STAP1: variants seen among roughly 807,000 people sequenced by gnomAD.
The protein encoded by STAP1 is signal-transducing adaptor protein 1.
Under a neutral mutation model 37.8 loss-of-function variants are expected in STAP1, and 30 were observed. The observed-to-expected ratio is 0.79, with a 90% CI of 0.59 to 1.08. STAP1 has a LOEUF of 1.08. Among genes scored for constraint, STAP1 ranks in the 50% least tolerant of loss-of-function variants. STAP1 has a pLI of 0.00. For missense variants in STAP1, 357 were observed against 349.4 expected, an observed-to-expected ratio of 1.02 and a Z score of -0.17; for synonymous variants, 130 against 116.0, an observed-to-expected ratio of 1.12 and a Z score of -0.78.
chr4:67,572,348 T>C (rs1727623402), intron 2 of STAP1, among the ~76,000 whole-genome samples: 1 of 152,218 alleles, frequency 6.6e-6, no homozygotes, highest in East Asian at 1.9e-4. Flanking sequence ...TTCATTACCA[T>C]GCCTAGGACT....
intron 8 of STAP1, among the ~76,000 whole-genome samples, chr4:67,605,178 G>T (rs973157370): frequency 1.3e-5 from 2 of 152,154 alleles, no homozygotes; most frequent in African/African-American, 4.8e-5. Flanking sequence ...TGAGACTGCA[G>T]TTGCCCAATC....
At chr4:67,571,182 A>G (rs1394840123) in intron 2 of STAP1, 27 bp downstream of exon 2, 9 of 1,489,558 alleles carry the variant, frequency 6.0e-6, no homozygotes, top group Admixed American at 1.7e-5. Context: ...AGCTGATTCC[A>G]TTGTTTCCCA....
At chr4:67,577,064 TA>T in intron 3 of STAP1, 138 bp from the exon 4 acceptor site, 1 of 611,160 alleles carries the variant, frequency 1.6e-6, no homozygotes, top group East Asian at 3.0e-5. Context: ...AAATATTTCA[TA>T]AAAAATACAC....
intron 8 of STAP1, among the ~76,000 whole-genome samples, chr4:67,604,656 C>T (rs181578406): frequency 6.6e-6 from 1 of 152,168 alleles, no homozygotes; most frequent in Non-Finnish European, 1.5e-5. Context: ...TGGTCAAATT[C>T]CTTCTTTTGT....
At chr4:67,588,131 G>GT (rs1296626608) in intron 6 of STAP1, among the ~76,000 whole-genome samples, 2 of 134,338 alleles carry the variant, frequency 1.5e-5, no homozygotes, top group East Asian at 2.3e-4. Flanking sequence ...TATCAATCTT[G>GT]TTTTTTTCAT....
intron 8 of STAP1, among the ~76,000 whole-genome samples, chr4:67,596,896 A>T (rs1019694598): frequency 6.6e-6 from 1 of 152,200 alleles, no homozygotes; most frequent in African/African-American, 2.4e-5. Context: ...AGGTTTGGAA[A>T]ATTTGCAGCC....
In STAP1 at chr4:67,578,976, G is replaced by A. The variant is rs146920379; in HGVS notation, c.363+1717G>A. Reference sequence around the variant, plus strand: ...CCCAAGTAGCTGGGATTAAAGGCACGTACCATCATGCCCGGCTAAGTTTTT... The same window carrying A: ...CCCAAGTAGCTGGGATTAAAGGCACATACCATCATGCCCGGCTAAGTTTTT... On this transcript the variant is annotated intron_variant, in intron 4 of 8. Transcript: ENST00000265404. Among the ~76,000 whole-genome samples, 37 of 152,024 alleles carry A rather than the reference G, an allele frequency of 2.4e-4. 1 individual carries two copies. The highest frequency in any genetic ancestry group is 6.0e-4 in the African/African-American group (25 of 41,450).
intron 4 of STAP1, among the ~76,000 whole-genome samples, chr4:67,578,644 A>G (rs536182329): frequency 6.6e-6 from 1 of 152,266 alleles, no homozygotes; most frequent in East Asian, 1.9e-4. Context: ...GTGACTAAGT[A>G]TCAAGGAGTA....
intron 1 of STAP1, among the ~76,000 whole-genome samples, chr4:67,562,519 A>G (rs1353506742): frequency 6.7e-6 from 1 of 150,110 alleles, no homozygotes; most frequent in African/African-American, 2.5e-5. Flanking sequence ...TAATCCCAGC[A>G]CTTTGGGAGG....
intron 1 of STAP1, among the ~76,000 whole-genome samples, chr4:67,560,587 A>G (rs771950793): frequency 6.6e-6 from 1 of 152,068 alleles, no homozygotes; most frequent in African/African-American, 2.4e-5. Context: ...AATATTTCCA[A>G]TGAAATTAAC....
chr4:67,606,397 A>G lies in STAP1; in HGVS notation c.*40A>G. ...GCTCCTTTGTATATCTTGGTAATTT[A>G]TATTTTCAAAACGAAGTTCTTACTT... On this transcript the variant is annotated 3_prime_UTR_variant, in exon 9 of 9. Transcript: ENST00000265404. The G allele has an allele frequency of 1.9e-6, 3 of 1,557,324 alleles. No homozygotes were observed. Among genetic ancestry groups the G allele is most frequent in the Non-Finnish European group, 1.7e-6 (2 of 1,147,112 alleles).
At chr4:67,564,631 T>C (rs746292631) in intron 1 of STAP1, among the ~76,000 whole-genome samples, 9 of 152,100 alleles carry the variant, frequency 5.9e-5, no homozygotes, top group Non-Finnish European at 1.0e-4. Flanking sequence ...GACTAGATCT[T>C]AGAAGCCATA....
At chr4:67,565,934 C>CTTTT (rs60607477) in intron 1 of STAP1, among the ~76,000 whole-genome samples, 1 of 59,428 alleles carries the variant, frequency 1.7e-5, no homozygotes, top group African/African-American at 5.8e-5. Flanking sequence ...AACCCAACTG[C>CTTTT]TTTTTTTTTT....
intron 1 of STAP1, among the ~76,000 whole-genome samples, chr4:67,561,878 C>T (rs901550850): frequency 6.6e-6 from 1 of 151,772 alleles, no homozygotes; most frequent in Non-Finnish European, 1.5e-5. Flanking sequence ...TGGAGACCAA[C>T]CTGTTCAACA....
rs181773354 is a variant in STAP1 at position 67,560,314 on chromosome 4, T to C, written c.120+1385T>C. ...CCTTGAGACTGTTTCAACTATAAGA[T>C]AGAGAGTATACTACTTGCTACTTGC... On this transcript the variant is annotated intron_variant, in intron 1 of 8. Transcript: ENST00000265404. Among the ~76,000 whole-genome samples the C allele has an allele frequency of 8.5e-5, 13 of 152,348 alleles. No homozygotes were observed. The East Asian group carries it at 2.1e-3, about 25-fold the overall frequency.
At chr4:67,562,265 C>A (rs1727365466) in intron 1 of STAP1, among the ~76,000 whole-genome samples, 1 of 151,526 alleles carries the variant, frequency 6.6e-6, no homozygotes, top group Non-Finnish European at 1.5e-5. Context: ...TCGCTTGAAT[C>A]TGGGAGGCGG....
rs980324840 is a variant in STAP1 at position 67,590,914 on chromosome 4, G to A, written c.690G>A (p.Met230Ile). Residue 230 changes from methionine to isoleucine, a missense_variant, in exon 7 of 9, where the codon ATG (methionine) becomes ATA (isoleucine). Transcript: ENST00000265404. ...CAAGAATCAAGCACTACAAAGTGAT[G>A]AGCGTAGGACAAAACTACACTATTG... The part of the protein sequence containing the change: ...DIPRIKHYKV[M>I]SVGQNYTIEL... 20 of 1,612,596 alleles carry A rather than the reference G, an allele frequency of 1.2e-5. No individual in the cohort carries two copies. Among genetic ancestry groups the A allele is most frequent in the Middle Eastern group, 1.6e-4 (1 of 6,080 alleles).
At chr4:67,604,907 G>A (rs1728418229) in intron 8 of STAP1, among the ~76,000 whole-genome samples, 1 of 152,102 alleles carries the variant, frequency 6.6e-6, no homozygotes, top group Non-Finnish European at 1.5e-5. Context: ...ATTCAGCCTG[G>A]GACTTGGTTG....
At chr4:67,562,864 A>C (rs1336560931) in intron 1 of STAP1, among the ~76,000 whole-genome samples, 1 of 152,006 alleles carries the variant, frequency 6.6e-6, no homozygotes, top group African/African-American at 2.4e-5. Context: ...TGATATATAA[A>C]AAATGAATTA....
Sources: gnomAD v4.1 joint callset for allele counts (sites outside exome capture counted in the v4.1 genomes callset) on GRCh38, gnomAD v4.1.1 for gene constraint, MANE v1.5 for transcripts, NCBI Gene and HGNC (gene_info 2026-07-23, HGNC 2026-07-21) for gene names.